The following TBX15 variants were observed in gnomAD, a reference collection of about 807,000 sequenced individuals.
The protein encoded by TBX15 is T-box transcription factor 15, also known as T-box transcription factor TBX15.
In TBX15, 18 loss-of-function variants were observed where a neutral mutation model predicts 53.9. The ratio of observed to expected loss-of-function variants is 0.33; its 90% CI spans 0.23 to 0.49. TBX15 has a LOEUF of 0.49. TBX15 is among the 20% of genes least tolerant of loss of function. The pLI is 0.98. For synonymous variants in TBX15, 295 were observed against 278.0 expected (o/e 1.06, Z -0.61); for missense variants, 692 against 749.5 (o/e 0.92, Z 0.90).
intron 6 of TBX15, among the ~76,000 whole-genome samples, chr1:118,903,221 A>C (rs760949698): frequency 1.3e-5 from 2 of 152,200 alleles, no homozygotes; most frequent in Non-Finnish European, 2.9e-5. Flanking sequence ...CCAAACCAAC[A>C]GAATGTGCTG....
rs1173399926 is a variant in TBX15, at chr1:118,931,784, G to C, written c.254C>G (p.Thr85Ser). Residue 85 changes from threonine (T) to serine (S), a missense_variant, in exon 2 of 8, where the codon ACT (threonine) becomes AGT (serine). Transcript: ENST00000369429. ...AGTGTGAGTACTGAAGGAGCAGGAA[G>C]TCCGCTCAGTGAGGACCTCAGAATC... is the stretch of plus-strand genomic sequence containing the variant. ...GSDSEVLTER[T>S]SCSFSTHTDL... 1 of 1,605,946 alleles carries C rather than the reference G, an allele frequency of 6.2e-7. No individual in the cohort carries two copies. The highest frequency in any genetic ancestry group is 8.5e-7 in the Non-Finnish European group (1 of 1,175,364).
intron 1 of TBX15, among the ~76,000 whole-genome samples, chr1:118,966,966 C>T (rs540768017): frequency 1.3e-4 from 20 of 152,330 alleles, no homozygotes; most frequent in Admixed American, 7.8e-4. Flanking sequence ...GATAGCTCAG[C>T]ACAGACAAAA....
chr1:118,981,848 C>T (rs1657663717), intron 1 of TBX15, among the ~76,000 whole-genome samples: 2 of 152,206 alleles, frequency 1.3e-5, no homozygotes, highest in Non-Finnish European at 2.9e-5. Context: ...AGTGCAGACC[C>T]CTGAGTATGT....
intron 1 of TBX15, among the ~76,000 whole-genome samples, chr1:118,934,861 A>C (rs774834655): frequency 1.3e-5 from 2 of 152,214 alleles, no homozygotes; most frequent in Non-Finnish European, 2.9e-5. Flanking sequence ...ACATTTATTT[A>C]ACTGGAAATA....
chr1:118,964,834 A>G (rs1297411830), intron 1 of TBX15, among the ~76,000 whole-genome samples: 1 of 152,214 alleles, frequency 6.6e-6, no homozygotes, highest in Non-Finnish European at 1.5e-5. Flanking sequence ...GTCCCCCTCC[A>G]GGCTTTTCCA....
At chr1:118,891,455 TC>T (rs1162162180) in intron 7 of TBX15, among the ~76,000 whole-genome samples, 3 of 152,192 alleles carry the variant, frequency 2.0e-5, no homozygotes, top group Admixed American at 1.3e-4. Flanking sequence ...TTCATCTGCT[TC>T]TTTCTGGCAA....
intron 7 of TBX15, among the ~76,000 whole-genome samples, chr1:118,896,045 A>G (rs1489015776): frequency 6.6e-6 from 1 of 152,218 alleles, no homozygotes; most frequent in African/African-American, 2.4e-5. Flanking sequence ...ATGCAGCTCA[A>G]CACAAATTTG....
intron 6 of TBX15, among the ~76,000 whole-genome samples, chr1:118,905,521 T>A (rs1051943306): frequency 6.6e-6 from 1 of 152,180 alleles, no homozygotes; most frequent in South Asian, 2.1e-4. Flanking sequence ...ATGGCCTGCA[T>A]GAAAAGCAGG....
chr1:118,960,278 C>T (rs1441344054), intron 1 of TBX15, among the ~76,000 whole-genome samples: 1 of 152,182 alleles, frequency 6.6e-6, no homozygotes, highest in Non-Finnish European at 1.5e-5. Context: ...AACTTGCCAC[C>T]TTCCGCCCAG....
chr1:118,909,987 G>A (rs1238311425), intron 6 of TBX15, among the ~76,000 whole-genome samples: 2 of 152,158 alleles, frequency 1.3e-5, no homozygotes, highest in African/African-American at 4.8e-5. Flanking sequence ...TGTCAGCCAG[G>A]GGGCTACACT....
chr1:118,913,491 C>T (rs1026934893), intron 6 of TBX15, among the ~76,000 whole-genome samples: 1 of 152,120 alleles, frequency 6.6e-6, no homozygotes, highest in South Asian at 2.1e-4. Context: ...ATGACACAGT[C>T]TCTAAGGACA....
intron 2 of TBX15, among the ~76,000 whole-genome samples, chr1:118,931,180 T>C (rs1398556814): frequency 6.6e-6 from 1 of 152,250 alleles, no homozygotes; most frequent in Non-Finnish European, 1.5e-5. Context: ...ATCAACAGGC[T>C]CAGAATATGC....
chr1:118,924,152 G>A (rs1033323568), intron 4 of TBX15, among the ~76,000 whole-genome samples: 1 of 152,206 alleles, frequency 6.6e-6, no homozygotes, highest in Non-Finnish European at 1.5e-5. Flanking sequence ...CTGCCATTCA[G>A]TGAAAATTCA....
chr1:118,911,211 G>A (rs1655015637), intron 6 of TBX15, among the ~76,000 whole-genome samples: 1 of 151,540 alleles, frequency 6.6e-6, no homozygotes, highest in African/African-American at 2.4e-5. Context: ...TGCTTCATTT[G>A]TAAAATACGA....
chr1:118,962,601 G>C (rs1571208724), intron 1 of TBX15, among the ~76,000 whole-genome samples: 1 of 152,158 alleles, frequency 6.6e-6, no homozygotes, highest in South Asian at 2.1e-4. Context: ...TGAAATACTA[G>C]TGTATCATAT....
At position 118,885,190 on chromosome 1, in the gene TBX15, G is replaced by A; in HGVS notation, c.1351C>T (p.Pro451Ser). The A allele has an allele frequency of 6.2e-7, 1 of 1,614,208 alleles. No homozygotes were observed. The highest frequency in any genetic ancestry group is 1.1e-5 in the South Asian group (1 of 91,086). The change falls in exon 8 of 8, where the codon CCA becomes TCA. Residue 451 changes from proline to serine, a missense_variant. Around this residue, in one of 3 missense-constraint regions of TBX15, gnomAD observed 375 missense variants for 371.6 expected, o/e 1.01. Transcript: ENST00000369429. ...TTGCCAGGCAACGAGGGAGGAGTTG[G>A]TATTCCTGAGATCAGGGATGGAGTC... ...QRTPSLISGI[P>S]TPPSLPGNSK...
chr1:118,981,778 C>T (rs902739204), intron 1 of TBX15, among the ~76,000 whole-genome samples: 1 of 152,190 alleles, frequency 6.6e-6, no homozygotes, highest in Non-Finnish European at 1.5e-5. Context: ...TAATGATTAT[C>T]CTTCCCCCAA....
chr1:118,977,978 A>G (rs17022961), intron 1 of TBX15, among the ~76,000 whole-genome samples: 1,750 of 152,248 alleles, frequency 0.011, 35 homozygotes, highest in African/African-American at 0.04. Context: ...GCTTTTTTCA[A>G]CCCTCATTTT....
At chr1:118,967,173 G>A (rs944039921) in intron 1 of TBX15, among the ~76,000 whole-genome samples, 8 of 152,142 alleles carry the variant, frequency 5.3e-5, no homozygotes, top group Non-Finnish European at 8.8e-5. Context: ...TATTCTGTTA[G>A]AGGTATAAGC....
Sources: gnomAD v4.1 joint callset for allele counts (sites outside exome capture counted in the v4.1 genomes callset) on GRCh38, gnomAD v4.1.1 for gene constraint, gnomAD v4.1.1 regional missense constraint, MANE v1.5 for transcripts, NCBI Gene and HGNC (gene_info 2026-07-23, HGNC 2026-07-21) for gene names.